VWDE: variants seen among roughly 807,000 people sequenced by gnomAD.
The protein encoded by VWDE is von Willebrand factor D and EGF domain-containing protein.
A neutral mutation model predicts 178.4 loss-of-function variants in VWDE; 207 were observed. The ratio of observed to expected loss-of-function variants is 1.16; its 90% confidence interval spans 1.04 to 1.30. The LOEUF is 1.30. Ranked by LOEUF, VWDE falls within the 50% of genes most tolerant of loss-of-function variation. The pLI is 0.00. For synonymous variants in VWDE, 738 were observed against 651.4 expected (o/e 1.13, Z -2.02); for missense variants, 2,287 against 1,901.3 (o/e 1.20, Z -3.77).
At chr7:12,399,384 A>G (rs749289491) in intron 1 of VWDE, among the ~76,000 whole-genome samples, 1 of 152,214 alleles carries the variant, frequency 6.6e-6, no homozygotes, top group Non-Finnish European at 1.5e-5. Flanking sequence ...AGATAAAGCA[A>G]TTGTAAACAT....
At chr7:12,402,752 T>C (rs1228158119) in intron 1 of VWDE, among the ~76,000 whole-genome samples, 1 of 152,170 alleles carries the variant, frequency 6.6e-6, no homozygotes, top group Non-Finnish European at 1.5e-5. Flanking sequence ...TATTTTTAAG[T>C]TTTGTATAGG....
intron 19 of VWDE, among the ~76,000 whole-genome samples, chr7:12,350,079 T>C (rs189659443): frequency 1.3e-5 from 2 of 152,070 alleles, no homozygotes. Flanking sequence ...AAGGGTATTT[T>C]CAAAACTGCT....
intron 4 of VWDE, among the ~76,000 whole-genome samples, chr7:12,382,361 ATTGTT>A: frequency 6.6e-6 from 1 of 151,924 alleles, no homozygotes; most frequent in African/African-American, 2.4e-5. Flanking sequence ...TATTATGAAT[ATTGTT>A]TTATTACTTT....
At chr7:12,365,327 G>T (rs1396261844) in intron 13 of VWDE, among the ~76,000 whole-genome samples, 1 of 152,082 alleles carries the variant, frequency 6.6e-6, no homozygotes, top group African/African-American at 2.4e-5. Flanking sequence ...TTATAAATAA[G>T]ATATTAACTT....
intron 18 of VWDE, among the ~76,000 whole-genome samples, chr7:12,355,470 G>A (rs370948429): frequency 2.0e-5 from 3 of 150,876 alleles, no homozygotes; most frequent in African/African-American, 2.4e-5. Context: ...ATTCTGCTCA[G>A]TTCTACTGTA....
rs1783961837 is a variant in VWDE, at chr7:12,383,616, G to A, written c.476-15C>T. The A allele has an allele frequency of 6.5e-6, 10 of 1,548,738 alleles. No homozygotes were observed. Among genetic ancestry groups the A allele is most frequent in the Non-Finnish European group, 8.7e-6 (10 of 1,144,746 alleles). On this transcript the variant is annotated splice_polypyrimidine_tract_variant and intron_variant, in intron 3 of 28. Coordinates refer to ENST00000275358, the MANE Select transcript of VWDE (RefSeq NM_001135924.3). ...ATCAGAAATAGCTGCCAAGGGTTAA[G>A]GTTTGTATAATTATTCAGCTGGGCA...
rs1171064494 is a variant in VWDE, at chr7:12,389,292, G to C, written c.310C>G (p.Pro104Ala). 6.4e-6 allele frequency: 10 copies of C among 1,551,476 alleles called. No homozygotes were observed. In the East Asian group the frequency reaches 2.0e-4, roughly 30 times the overall value. ...SLRDSETLPS[P>A]GEIKQLTACA... is the part of the protein sequence containing the mutation. ...GCTGTCAATTGCTTGATCTCCCCAGGAGATGGCAGTGTTTCTGAATCTCTC... is the reference window on the plus strand; with the variant it reads ...GCTGTCAATTGCTTGATCTCCCCAGCAGATGGCAGTGTTTCTGAATCTCTC... Residue 104 changes from proline (P) to alanine (A), a missense_variant, in exon 3 of 29, where the codon CCT (proline) becomes GCT (alanine). Coordinates refer to ENST00000275358, the MANE Select transcript of VWDE (RefSeq NM_001135924.3).
intron 28 of VWDE, 91 bp downstream of exon 28, chr7:12,333,373 TA>T (rs928050309): frequency 1.3e-6 from 1 of 797,826 alleles, no homozygotes; most frequent in Non-Finnish European, 1.9e-6. Context: ...TTGGAAATAA[TA>T]AAAAAACATT....
chr7:12,380,968 T>C (rs1783824307), intron 4 of VWDE, among the ~76,000 whole-genome samples: 1 of 152,190 alleles, frequency 6.6e-6, no homozygotes, highest in African/African-American at 2.4e-5. Flanking sequence ...TTAATGCAGG[T>C]TGAATATCTG....
chr7:12,376,720 T>A (rs558967717), intron 7 of VWDE, among the ~76,000 whole-genome samples: 2 of 152,046 alleles, frequency 1.3e-5, no homozygotes, highest in Non-Finnish European at 2.9e-5. Flanking sequence ...ATGTAATATG[T>A]CTAGGCTGTA....
intron 27 of VWDE, 22 bp downstream of exon 27, chr7:12,336,119 G>T: frequency 6.5e-7 from 1 of 1,540,388 alleles, no homozygotes; most frequent in East Asian, 2.5e-5. Context: ...CATATAGTAG[G>T]AAAAACATCC....
In VWDE at chr7:12,403,809, C is replaced by T. The variant is rs555466194; in HGVS notation, c.-93G>A. 1.5e-6 allele frequency: 2 copies of T among 1,348,758 alleles called. No individual in the cohort carries two copies. The highest frequency in any genetic ancestry group is 1.3e-5 in the South Asian group (1 of 76,400). The allele number at this position is 1,348,758 out of a possible 1,614,324, so 83.5% of individuals were successfully genotyped here. Reference sequence around the variant, plus strand: ...CACAGCAGCCCCTCGGGCCTCCTTTCTTGGATTTTCTCAGTCTGTTGCTGC... The same window carrying T: ...CACAGCAGCCCCTCGGGCCTCCTTTTTTGGATTTTCTCAGTCTGTTGCTGC... On this transcript the variant is annotated 5_prime_UTR_variant, in exon 1 of 29. Coordinates refer to ENST00000275358, the MANE Select transcript of VWDE (RefSeq NM_001135924.3).
At chr7:12,391,953 A>T (rs754506420) in intron 2 of VWDE, among the ~76,000 whole-genome samples, 5 of 152,200 alleles carry the variant, frequency 3.3e-5, no homozygotes, top group Non-Finnish European at 5.9e-5. Context: ...GTATAATTAT[A>T]TAGGGTAAAA....
At chr7:12,333,743 C>T (rs929263607) in intron 27 of VWDE, 175 bp from the exon 28 acceptor site, 4 of 421,578 alleles carry the variant, frequency 9.5e-6, no homozygotes, top group Admixed American at 4.2e-5. Context: ...TCAGAGCACA[C>T]GCACACATCA....
intron 25 of VWDE, 40 bp downstream of exon 25, chr7:12,337,137 C>T (rs1445850118): frequency 1.9e-6 from 3 of 1,551,206 alleles, no homozygotes; most frequent in African/African-American, 1.4e-5. Flanking sequence ...TTTGTCTTGG[C>T]TTTAGCTGTA....
At chr7:12,336,113 T>C (rs1346379281) in intron 27 of VWDE, 28 bp downstream of exon 27, 9 of 1,524,138 alleles carry the variant, frequency 5.9e-6, no homozygotes, top group Non-Finnish European at 7.1e-6. Context: ...TCAGAACATA[T>C]AGTAGGAAAA....
chr7:12,378,550 C>T (rs1232681571), intron 6 of VWDE, among the ~76,000 whole-genome samples: 1 of 152,100 alleles, frequency 6.6e-6, no homozygotes, highest in Non-Finnish European at 1.5e-5. Context: ...ACAGATGATT[C>T]TTAATACTGA....
At chr7:12,388,477 T>C (rs1784213284) in intron 3 of VWDE, among the ~76,000 whole-genome samples, 1 of 152,172 alleles carries the variant, frequency 6.6e-6, no homozygotes, top group Non-Finnish European at 1.5e-5. Flanking sequence ...CAAAATCTTT[T>C]AGGTGAAGTA....
intron 19 of VWDE, among the ~76,000 whole-genome samples, chr7:12,349,509 T>C (rs1247383193): frequency 1.3e-5 from 2 of 151,488 alleles, no homozygotes; most frequent in Non-Finnish European, 3.0e-5. Context: ...TAAAAATATA[T>C]TTATTTGATT....
Sources: gnomAD v4.1 joint callset for allele counts (sites outside exome capture counted in the v4.1 genomes callset) on GRCh38, gnomAD v4.1.1 for gene constraint, MANE v1.5 for transcripts, NCBI Gene and HGNC (gene_info 2026-07-23, HGNC 2026-07-21) for gene names.